SIDT1: variants seen among roughly 807,000 people sequenced by gnomAD.
SIDT1 encodes SID1 transmembrane family, member 1.
SIDT1 carries 101 observed loss-of-function variants against 107.5 expected under a neutral mutation model. That is an observed-to-expected ratio of 0.94 (90% CI 0.80 to 1.11). The LOEUF (loss-of-function observed/expected upper bound fraction) is 1.11, where lower values mean the gene tolerates loss of function less well. SIDT1 is among the 50% of genes least tolerant of loss of function. The pLI is 0.00. For missense variants in SIDT1, 1,076 were observed against 1,058.2 expected, an observed-to-expected ratio of 1.02 and a Z score of -0.23; for synonymous variants, 395 against 398.2, an observed-to-expected ratio of 0.99 and a Z score of 0.10.
At chr3:113,536,956 G>A (rs1379900857) in intron 1 of SIDT1, among the ~76,000 whole-genome samples, 6 of 152,234 alleles carry the variant, frequency 3.9e-5, no homozygotes, top group Non-Finnish European at 8.8e-5. Context: ...AAACTAACTT[G>A]TTGGGAAAGT....
chr3:113,625,713 T>C (rs1946805624), intron 23 of SIDT1, among the ~76,000 whole-genome samples: 1 of 152,234 alleles, frequency 6.6e-6, no homozygotes, highest in Non-Finnish European at 1.5e-5. Context: ...GAAATGTCTA[T>C]TCAGATCTTT....
intron 21 of SIDT1, among the ~76,000 whole-genome samples, chr3:113,622,984 C>T (rs559999873): frequency 6.6e-6 from 1 of 151,940 alleles, no homozygotes; most frequent in Admixed American, 6.6e-5. Flanking sequence ...GGCCATGAAT[C>T]CAACATCAGG....
chr3:113,545,986 T>C (rs759031672), intron 1 of SIDT1, among the ~76,000 whole-genome samples: 33 of 152,252 alleles, frequency 2.2e-4, no homozygotes, highest in Non-Finnish European at 3.8e-4. Flanking sequence ...TGAACTTTTA[T>C]GTATTTTCCA....
intron 3 of SIDT1, among the ~76,000 whole-genome samples, chr3:113,574,933 C>A (rs1942782114): frequency 6.6e-6 from 1 of 152,058 alleles, no homozygotes; most frequent in African/African-American, 2.4e-5. Context: ...ACAAAATAAA[C>A]CCTCCCCACC....
intron 21 of SIDT1, among the ~76,000 whole-genome samples, chr3:113,621,110 G>T (rs1472184164): frequency 4.6e-5 from 7 of 152,130 alleles, no homozygotes; most frequent in African/African-American, 1.7e-4. Flanking sequence ...ACTTTCGTAT[G>T]GTCCTGAGTT....
chr3:113,564,630 G>A (rs1941733818), intron 1 of SIDT1, among the ~76,000 whole-genome samples: 1 of 152,174 alleles, frequency 6.6e-6, no homozygotes, highest in African/African-American at 2.4e-5. Flanking sequence ...AATCAAGGAT[G>A]AATCTCCAGT....
At chr3:113,620,481 C>T (rs1338959378) in intron 21 of SIDT1, among the ~76,000 whole-genome samples, 1 of 149,850 alleles carries the variant, frequency 6.7e-6, no homozygotes, top group Non-Finnish European at 1.5e-5. Flanking sequence ...ATGAGCTCCT[C>T]AGGGTCAGTG....
intron 11 of SIDT1, 153 bp from the exon 12 acceptor site, chr3:113,602,852 A>C: frequency 1.5e-6 from 1 of 678,230 alleles, no homozygotes; most frequent in Non-Finnish European, 2.3e-6. Context: ...TTGAGAAGGA[A>C]TAGAGAGAAA....
intron 1 of SIDT1, among the ~76,000 whole-genome samples, chr3:113,535,528 CTG>C (rs1247659039): frequency 6.6e-6 from 1 of 152,088 alleles, no homozygotes; most frequent in African/African-American, 2.4e-5. Context: ...CCTATTTTGT[CTG>C]TGTGTGTTAA....
At chr3:113,595,493 C>T (rs960236072) in intron 10 of SIDT1, among the ~76,000 whole-genome samples, 3 of 151,788 alleles carry the variant, frequency 2.0e-5, no homozygotes, top group Non-Finnish European at 4.4e-5. Context: ...ATGGGAGGAT[C>T]GCTTGAGCCC....
In SIDT1 at chr3:113,628,032, C is replaced by T. The variant is rs777365855; in HGVS notation, c.*324C>T. 8 of 313,244 alleles carry T rather than the reference C, an allele frequency of 2.6e-5. No homozygotes were observed. The East Asian group carries it at 4.8e-4, about 19-fold the overall frequency. 19.4% of individuals were successfully genotyped at this position (313,244 alleles called of 1,614,324 possible). A position where few individuals can be genotyped will look rare whatever the true frequency, so the allele number is the denominator to read the frequency against. On this transcript the variant is annotated 3_prime_UTR_variant, in exon 25 of 25. Transcript: ENST00000264852. ...CATCTTGGGGTCCCTCCCACCCTCA[C>T]GGAGACTTGCCAGCAATGGCAGAAT...
intron 17 of SIDT1, 33 bp from the exon 18 acceptor site, chr3:113,610,975 C>T (rs770323732): frequency 6.2e-7 from 1 of 1,608,580 alleles, no homozygotes; most frequent in South Asian, 1.1e-5. Flanking sequence ...CCTACTGAAT[C>T]CTGATCATCT....
chr3:113,551,296 G>T (rs1243303746), intron 1 of SIDT1, among the ~76,000 whole-genome samples: 2 of 152,132 alleles, frequency 1.3e-5, no homozygotes, highest in Admixed American at 6.6e-5. Flanking sequence ...GTGATTACTG[G>T]TTCGAATGGT....
At chr3:113,558,114 GGA>G (rs1941072508) in intron 1 of SIDT1, among the ~76,000 whole-genome samples, 1 of 152,168 alleles carries the variant, frequency 6.6e-6, no homozygotes, top group Non-Finnish European at 1.5e-5. Context: ...AAATGAGCCA[GGA>G]GAGCAATGAG....
chr3:113,554,437 T>C (rs1940615539), intron 1 of SIDT1, among the ~76,000 whole-genome samples: 1 of 152,096 alleles, frequency 6.6e-6, no homozygotes, highest in African/African-American at 2.4e-5. Context: ...AACTGAATCA[T>C]AGGGGTGGGT....
intron 1 of SIDT1, among the ~76,000 whole-genome samples, chr3:113,542,902 TTG>T (rs71625216): frequency 0.067 from 9,680 of 144,888 alleles, 356 homozygotes; most frequent in African/African-American, 0.086. Context: ...TTTTGCTTGG[TTG>T]TGTGTGTGTG....
chr3:113,618,620 G>A (rs1946260657), intron 20 of SIDT1, among the ~76,000 whole-genome samples: 2 of 152,134 alleles, frequency 1.3e-5, no homozygotes, highest in African/African-American at 2.4e-5. Flanking sequence ...CATTCTAATA[G>A]GTGAATTAAT....
the SIDT1 span, among the ~76,000 whole-genome samples, chr3:113,634,887 A>G: frequency 6.6e-6 from 1 of 152,246 alleles, no homozygotes; most frequent in Non-Finnish European, 1.5e-5. Context: ...CCTGAGTAAC[A>G]ATGAAACACA....
chr3:113,561,199 G>A (rs1212792968), intron 1 of SIDT1, among the ~76,000 whole-genome samples: 1 of 152,146 alleles, frequency 6.6e-6, no homozygotes, highest in East Asian at 1.9e-4. Flanking sequence ...TTTCTCAGCT[G>A]CATATTAGCC....
Sources: allele counts gnomAD v4.1 joint callset (sites outside exome capture counted in the v4.1 genomes callset), GRCh38; gene constraint gnomAD v4.1.1; transcripts MANE v1.5; gene names NCBI Gene and HGNC (gene_info 2026-07-23, HGNC 2026-07-21).